The following SLC22A24 variants were observed in gnomAD, a reference collection of about 807,000 sequenced individuals.
The protein encoded by SLC22A24 is steroid transmembrane transporter SLC22A24.
Under a neutral mutation model 49.8 loss-of-function variants are expected in SLC22A24, and 53 were observed. The ratio of observed to expected loss-of-function variants is 1.06; its 90% CI spans 0.85 to 1.34. SLC22A24 has a LOEUF of 1.34. SLC22A24 is among the 40% of genes most tolerant of loss of function. SLC22A24 has a pLI of 0.00. For synonymous variants in SLC22A24, 302 were observed against 256.4 expected (o/e 1.18, Z -1.70); for missense variants, 786 against 675.9 (o/e 1.16, Z -1.81).
intron 6 of SLC22A24, among the ~76,000 whole-genome samples, chr11:63,095,420 A>G (rs2087047854): frequency 1.3e-5 from 2 of 152,326 alleles, no homozygotes; most frequent in South Asian, 4.1e-4. Flanking sequence ...CTGTTATGCA[A>G]GACAAAATGA....
At chr11:63,119,155 A>T (rs1473226717) in intron 3 of SLC22A24, 26 bp downstream of exon 3, 2 of 1,529,870 alleles carry the variant, frequency 1.3e-6, no homozygotes, top group Non-Finnish European at 8.8e-7. Context: ...CATGGAGATG[A>T]TAAAATGCTC....
intron 4 of SLC22A24, chr11:63,115,953 G>A: frequency 3.2e-6 from 1 of 315,596 alleles, no homozygotes; most frequent in South Asian, 8.1e-5. Context: ...TGCAGCCTGG[G>A]CCTTGGTTTG....
chr11:63,114,802 T>G (rs893318140), intron 4 of SLC22A24, among the ~76,000 whole-genome samples: 4 of 152,192 alleles, frequency 2.6e-5, no homozygotes, highest in African/African-American at 7.2e-5. Context: ...GTTTTCCTTC[T>G]AACAGCCAGG....
At chr11:63,142,668 T>A (rs184543749) in intron 1 of SLC22A24, among the ~76,000 whole-genome samples, 19 of 152,210 alleles carry the variant, frequency 1.2e-4, no homozygotes, top group Non-Finnish European at 2.5e-4. Context: ...ATTTTGCAGA[T>A]CCCGCACTTG....
chr11:63,135,076 T>C, intron 1 of SLC22A24, among the ~76,000 whole-genome samples: 1 of 152,300 alleles, frequency 6.6e-6, no homozygotes, highest in Non-Finnish European at 1.5e-5. Context: ...TGCATTACCT[T>C]ATACACATTT....
chr11:63,138,516 C>A (rs748948197), intron 1 of SLC22A24, among the ~76,000 whole-genome samples: 2 of 151,684 alleles, frequency 1.3e-5, no homozygotes, highest in African/African-American at 4.8e-5. Flanking sequence ...GTGGCGGGCA[C>A]CTGTAGTCCC....
intron 1 of SLC22A24, among the ~76,000 whole-genome samples, chr11:63,139,369 A>G (rs1377546279): frequency 6.6e-6 from 1 of 152,152 alleles, no homozygotes; most frequent in Non-Finnish European, 1.5e-5. Flanking sequence ...TCTGTTTCGC[A>G]TTGTGTCATC....
At chr11:63,141,996 T>C (rs2087418649) in intron 1 of SLC22A24, among the ~76,000 whole-genome samples, 1 of 152,212 alleles carries the variant, frequency 6.6e-6, no homozygotes, top group African/African-American at 2.4e-5. Context: ...AAATTATTTG[T>C]GAGTTAGAAG....
At chr11:63,092,738 C>G (rs1382680298) in intron 6 of SLC22A24, among the ~76,000 whole-genome samples, 2 of 151,238 alleles carry the variant, frequency 1.3e-5, no homozygotes, top group Non-Finnish European at 3.0e-5. Flanking sequence ...ACCATAAAAA[C>G]TCTGTAAGAA....
In SLC22A24 at chr11:63,143,430, A is replaced by G. The variant is rs2087429418; in HGVS notation, c.350T>C (p.Val117Ala). The G allele has an allele frequency of 6.4e-7, 1 of 1,553,800 alleles. No individual in the cohort carries two copies. Among genetic ancestry groups the G allele is most frequent in the Non-Finnish European group, 8.7e-7 (1 of 1,154,162 alleles). ...GCTTCTGTCGTACACCCAGCCATCC[A>G]CACAGGGCTCCGTGTCTGGCTCATT... is the stretch of plus-strand genomic sequence containing the variant. ...NTNEPDTEPC[V>A]DGWVYDRSSF... The change falls in exon 1 of 10, where the codon GTG (valine) becomes GCG (alanine). Residue 117 changes from valine to alanine, a missense_variant. Val to Ala is a moderately conservative substitution (Grantham distance 64). Coordinates refer to ENST00000612278, the MANE Select transcript of SLC22A24 (RefSeq NM_001136506.2).
At chr11:63,120,833 A>T (rs2087246767) in intron 2 of SLC22A24, among the ~76,000 whole-genome samples, 1 of 152,140 alleles carries the variant, frequency 6.6e-6, no homozygotes, top group South Asian at 2.1e-4. Context: ...TTATTACTAA[A>T]TTTGTATGAG....
intron 6 of SLC22A24, among the ~76,000 whole-genome samples, chr11:63,095,720 A>C (rs116644940): frequency 1.3e-5 from 2 of 152,210 alleles, no homozygotes; most frequent in Non-Finnish European, 2.9e-5. Flanking sequence ...ACTATGTTTT[A>C]TGGTAAAACT....
rs1427800683 is a variant in SLC22A24 at position 63,143,364 on chromosome 11, A to G, written c.402+14T>C. On this transcript the variant is annotated intron_variant, in intron 1 of 9. Transcript: ENST00000612278. ...TTAATCATATAAACAGAAGATTTAC[A>G]TGGGGCCTCTTACCTCAGTCACGAT... The G allele has an allele frequency of 7.0e-7, 1 of 1,435,654 alleles. No individual in the cohort carries two copies. Among genetic ancestry groups the G allele is most frequent in the Non-Finnish European group, 9.2e-7 (1 of 1,092,080 alleles). The allele number at this position is 1,435,654 out of a possible 1,614,324, so 88.9% of individuals were successfully genotyped here.
At chr11:63,125,165 T>A (rs1011884964) in intron 2 of SLC22A24, among the ~76,000 whole-genome samples, 11 of 152,028 alleles carry the variant, frequency 7.2e-5, no homozygotes, top group African/African-American at 1.9e-4. Context: ...ATTAAAAAAT[T>A]TTTTTATTAT....
chr11:63,085,779 T>C (rs1300956458), intron 6 of SLC22A24, among the ~76,000 whole-genome samples: 2 of 152,230 alleles, frequency 1.3e-5, no homozygotes, highest in South Asian at 2.1e-4. Context: ...ATGATGACGA[T>C]GATGGTAATG....
intron 4 of SLC22A24, among the ~76,000 whole-genome samples, chr11:63,108,598 C>T (rs933103220): frequency 2.0e-5 from 3 of 152,112 alleles, no homozygotes; most frequent in Non-Finnish European, 2.9e-5. Flanking sequence ...ATTATTGCCT[C>T]AATTTTATAG....
At chr11:63,115,159 C>T (rs909328554) in intron 4 of SLC22A24, among the ~76,000 whole-genome samples, 3 of 152,210 alleles carry the variant, frequency 2.0e-5, no homozygotes, top group Non-Finnish European at 2.9e-5. Flanking sequence ...CATCTATGCC[C>T]TGCCCACAGA....
intron 4 of SLC22A24, among the ~76,000 whole-genome samples, chr11:63,111,993 A>G (rs1250380442): frequency 2.0e-5 from 3 of 152,002 alleles, no homozygotes; most frequent in Non-Finnish European, 4.4e-5. Context: ...ATCTAGTGCT[A>G]TAAATTTCCC....
intron 4 of SLC22A24, among the ~76,000 whole-genome samples, chr11:63,109,639 T>G (rs893787607): frequency 3.3e-5 from 5 of 151,866 alleles, no homozygotes; most frequent in African/African-American, 1.2e-4. Context: ...GCTGCATAAA[T>G]GTCTTCTTTT....
Sources: allele counts gnomAD v4.1 joint callset (sites outside exome capture counted in the v4.1 genomes callset), GRCh38; gene constraint gnomAD v4.1.1; transcripts MANE v1.5; gene names NCBI Gene and HGNC (gene_info 2026-07-23, HGNC 2026-07-21).